Variants in KCNIP1 observed in about 807,000 individuals in gnomAD.
KCNIP1 encodes the protein A-type potassium channel modulatory protein KCNIP1.
A neutral mutation model predicts 33.0 loss-of-function variants in KCNIP1; 18 were observed. The ratio of observed to expected loss-of-function variants is 0.55; its 90% CI spans 0.38 to 0.81. The LOEUF is 0.81. Ranked by LOEUF, KCNIP1 falls within the 30% of genes least tolerant of loss-of-function variation. The pLI is 0.00. For synonymous variants in KCNIP1, 93 were observed against 98.3 expected, an observed-to-expected ratio of 0.95 and a Z score of 0.32; for missense variants, 238 against 271.6, an observed-to-expected ratio of 0.88 and a Z score of 0.87.
intron 1 of KCNIP1, among the ~76,000 whole-genome samples, chr5:170,604,391 A>C (rs1481684687): frequency 6.6e-6 from 1 of 152,164 alleles, no homozygotes; most frequent in African/African-American, 2.4e-5. Context: ...TGTTGGACAC[A>C]GTAGTCCTTC....
chr5:170,590,393 G>A (rs114303486), intron 1 of KCNIP1, among the ~76,000 whole-genome samples: 1,622 of 152,246 alleles, frequency 0.011, 27 homozygotes, highest in African/African-American at 0.036. Context: ...GGCAGGTAAA[G>A]CAAGAGTGGA....
At chr5:170,433,767 T>C (rs1755796817) in intron 1 of KCNIP1, among the ~76,000 whole-genome samples, 1 of 152,242 alleles carries the variant, frequency 6.6e-6, no homozygotes, top group Non-Finnish European at 1.5e-5. Flanking sequence ...GCTAAATTCT[T>C]CACTGTTTCA....
intron 1 of KCNIP1, among the ~76,000 whole-genome samples, chr5:170,467,753 A>G (rs1756638632): frequency 6.6e-6 from 1 of 152,062 alleles, no homozygotes; most frequent in East Asian, 1.9e-4. Context: ...ACCCATCTCT[A>G]CTAAAAATAC....
In KCNIP1 at chr5:170,573,364, C is replaced by T. The variant is rs1757486731; in HGVS notation, c.61+68731C>T. The stretch of plus-strand genomic sequence containing the variant: ...GGCCCAATTGAGCATGGTTGCTCTC[C>T]AGGAATGTCCCAGGGCAGTGCCTCT... On this transcript the variant is annotated intron_variant, in intron 1 of 7. Transcript: ENST00000328939. Among the ~76,000 whole-genome samples the T allele has an allele frequency of 2.0e-5, 3 of 152,176 alleles. No homozygotes were observed. The South Asian group carries it at 6.2e-4, about 32-fold the overall frequency.
chr5:170,385,764 AG>A (rs1241723668), intron 1 of KCNIP1, among the ~76,000 whole-genome samples: 29 of 152,094 alleles, frequency 1.9e-4, no homozygotes, highest in Admixed American at 4.6e-4. Flanking sequence ...TCTATGTTCT[AG>A]TCTCTGGAAG....
chr5:170,589,447 C>G (rs1004521905), intron 1 of KCNIP1, among the ~76,000 whole-genome samples: 2 of 152,108 alleles, frequency 1.3e-5, no homozygotes, highest in African/African-American at 4.8e-5. Flanking sequence ...CTACTCAGTG[C>G]CAGGTATTGT....
At chr5:170,517,121 T>C (rs539921464) in intron 1 of KCNIP1, among the ~76,000 whole-genome samples, 1 of 152,306 alleles carries the variant, frequency 6.6e-6, no homozygotes, top group East Asian at 1.9e-4. Flanking sequence ...CTCACAGTTC[T>C]ACAGGCTTTC....
chr5:170,567,600 G>A (rs1390779227), intron 1 of KCNIP1, among the ~76,000 whole-genome samples: 1 of 152,216 alleles, frequency 6.6e-6, no homozygotes, highest in Admixed American at 6.5e-5. Flanking sequence ...AGAAGCAATG[G>A]GGAAGGACAG....
chr5:170,487,925 C>T (rs1405707921), intron 1 of KCNIP1, among the ~76,000 whole-genome samples: 1 of 152,182 alleles, frequency 6.6e-6, no homozygotes, highest in South Asian at 2.1e-4. Context: ...GGTTCACCTT[C>T]CTCCTTGCCT....
At chr5:170,721,792 A>G (rs1352826200) in intron 3 of KCNIP1, 41 bp from the exon 4 acceptor site, 1 of 1,613,952 alleles carries the variant, frequency 6.2e-7, no homozygotes, top group Non-Finnish European at 8.5e-7. Context: ...CCTGTGTGGA[A>G]TTCCTGCCCC....
intron 1 of KCNIP1, among the ~76,000 whole-genome samples, chr5:170,448,351 T>C (rs1756166988): frequency 1.3e-5 from 2 of 152,254 alleles, no homozygotes; most frequent in South Asian, 4.1e-4. Flanking sequence ...CTTGTACATC[T>C]GCTGTACGCC....
chr5:170,401,501 T>C (rs1176425851), intron 1 of KCNIP1, among the ~76,000 whole-genome samples: 2 of 152,196 alleles, frequency 1.3e-5, no homozygotes, highest in Non-Finnish European at 2.9e-5. Context: ...CGGTGGCTCA[T>C]GTCTATAATC....
chr5:170,386,259 A>T (rs1287007383), intron 1 of KCNIP1, among the ~76,000 whole-genome samples: 1 of 152,200 alleles, frequency 6.6e-6, no homozygotes, highest in Non-Finnish European at 1.5e-5. Flanking sequence ...ACAGATGAGA[A>T]AGCTAAGGTG....
chr5:170,523,740 T>C (rs1755458699), intron 1 of KCNIP1, among the ~76,000 whole-genome samples: 4 of 152,138 alleles, frequency 2.6e-5, no homozygotes, highest in Admixed American at 2.6e-4. Flanking sequence ...GCCAGGCATC[T>C]GCAAATGCAT....
intron 1 of KCNIP1, among the ~76,000 whole-genome samples, chr5:170,433,984 C>G (rs1755802215): frequency 6.6e-6 from 1 of 152,152 alleles, no homozygotes; most frequent in African/African-American, 2.4e-5. Flanking sequence ...AGCCTGACTG[C>G]CTTGATTGGG....
At position 170,378,325 on chromosome 5, in the gene KCNIP1, CT is replaced by C. The variant is rs567032700; in HGVS notation, c.88+24362del. 689 of 186,768 alleles carry C rather than the reference CT, an allele frequency of 3.7e-3. 1 individual carries two copies. Among genetic ancestry groups the C allele is most frequent in the Non-Finnish European group, 6.2e-3 (570 of 91,216 alleles). 11.6% of individuals were successfully genotyped at this position (186,768 alleles called of 1,614,324 possible). ...AAGGGAGGCTCGCTGGGGACAGCTT[CT>C]GGGGGAGGATGGGTACCGCTTTGAG... On this transcript the variant is annotated intron_variant, in intron 1 of 7. Coordinates refer to the KCNIP1 transcript ENST00000377360.
At chr5:170,662,180 C>T (rs1761525509) in intron 1 of KCNIP1, among the ~76,000 whole-genome samples, 1 of 152,190 alleles carries the variant, frequency 6.6e-6, no homozygotes, top group Admixed American at 6.5e-5. Flanking sequence ...TTCTTGGGTC[C>T]TCATTCTGCT....
At chr5:170,416,368 G>C (rs568079355) in intron 1 of KCNIP1, among the ~76,000 whole-genome samples, 92 of 152,270 alleles carry the variant, frequency 6.0e-4, no homozygotes, top group African/African-American at 2.1e-3. Flanking sequence ...TCCAGGCTCA[G>C]TCAGGGAAGG....
At chr5:170,412,999 T>C (rs908512726) in intron 1 of KCNIP1, among the ~76,000 whole-genome samples, 4 of 152,256 alleles carry the variant, frequency 2.6e-5, no homozygotes, top group Middle Eastern at 3.4e-3. Context: ...GCAGTGGCGA[T>C]TGTTGTCTGT....
Sources: gnomAD v4.1 joint callset for allele counts (sites outside exome capture counted in the v4.1 genomes callset) on GRCh38, gnomAD v4.1.1 for gene constraint, MANE v1.5 for transcripts, NCBI Gene and HGNC (gene_info 2026-07-23, HGNC 2026-07-21) for gene names.